ATAD2: variants seen among roughly 807,000 people sequenced by gnomAD.
ATAD2 encodes ATPase family AAA domain containing 2.
In ATAD2, 62 loss-of-function variants were observed where a neutral mutation model predicts 168.9. The observed-to-expected ratio is 0.37, with a 90% CI of 0.30 to 0.45. The LOEUF is 0.45. Among genes scored for constraint, ATAD2 ranks in the 20% least tolerant of loss-of-function variants. ATAD2 has a pLI of 1.00. For missense variants in ATAD2, 1,419 were observed against 1,667.8 expected (o/e 0.85, Z 2.60); for synonymous variants, 613 against 571.6 (o/e 1.07, Z -1.03).
chr8:123,393,341 T>C lies in ATAD2; in HGVS notation c.171+2846A>G, dbSNP rs866031614. Among the ~76,000 whole-genome samples, 66 of 152,062 alleles carry C rather than the reference T, an allele frequency of 4.3e-4. 1 individual carries two copies. The highest frequency in any genetic ancestry group is 1.6e-3 in the African/African-American group (65 of 41,478). On this transcript the variant is annotated intron_variant, in intron 1 of 27. Transcript: ENST00000287394. ...GCCTGAGCAACATAGTGAGACTCCATTGCTACAAAAAACTTAAAAATGAGC... is the reference window on the plus strand; with the variant it reads ...GCCTGAGCAACATAGTGAGACTCCACTGCTACAAAAAACTTAAAAATGAGC...
In ATAD2 at chr8:123,337,830, GA is replaced by G; in HGVS notation, c.2855-10del. The G allele has an allele frequency of 2.5e-6, 4 of 1,575,504 alleles. No individual in the cohort carries two copies. Among genetic ancestry groups the G allele is most frequent in the Non-Finnish European group, 3.4e-6 (4 of 1,165,328 alleles). ...CTCCAAAGCCTGCAAAACTTCACAT[GA>G]ATGGAAGAATTTAGTTACTGCTCCT... On this transcript the variant is annotated splice_polypyrimidine_tract_variant and intron_variant, in intron 20 of 27. Coordinates refer to ENST00000287394, the MANE Select transcript of ATAD2 (RefSeq NM_014109.4).
intron 13 of ATAD2, among the ~76,000 whole-genome samples, chr8:123,355,283 A>T (rs1366443281): frequency 6.6e-6 from 1 of 152,244 alleles, no homozygotes; most frequent in Non-Finnish European, 1.5e-5. Flanking sequence ...TATCTTATTC[A>T]TCTACATTAT....
chr8:123,371,472 G>C (rs1318133115), intron 4 of ATAD2, 134 bp from the exon 5 acceptor site: 1 of 846,048 alleles, frequency 1.2e-6, no homozygotes, highest in East Asian at 2.8e-5. Context: ...TGATTTACTT[G>C]TATAAAAATA....
rs1828374371 is a variant in ATAD2 at position 123,349,415 on chromosome 8, A to G, written c.1676T>C (p.Met559Thr). The G allele has an allele frequency of 6.2e-7, 1 of 1,614,048 alleles. No individual in the cohort carries two copies. The highest frequency in any genetic ancestry group is 8.5e-7 in the Non-Finnish European group (1 of 1,179,952). ...TTCCCCTCTGCTGTCCAATCCATCC[A>G]TAAGAGCTAGCAGGGTGGAAACAAT... ...SSIVSTLLALMDGLDSRGEIV... is the reference protein window; with the variant it reads ...SSIVSTLLALTDGLDSRGEIV... The change falls in exon 14 of 28, where the codon ATG becomes ACG. Residue 559 changes from methionine (M) to threonine (T), a missense_variant. By Grantham distance (81) the Met-to-Thr change is moderately conservative. Transcript: ENST00000287394.
intron 1 of ATAD2, among the ~76,000 whole-genome samples, chr8:123,411,839 A>G (rs757274580): frequency 7.2e-5 from 11 of 152,222 alleles, no homozygotes; most frequent in Non-Finnish European, 1.6e-4. Context: ...AGAAAAAAAA[A>G]AGCACAATAT....
At chr8:123,389,647 A>G (rs889711912) in intron 1 of ATAD2, among the ~76,000 whole-genome samples, 1 of 150,722 alleles carries the variant, frequency 6.6e-6, no homozygotes, top group African/African-American at 2.4e-5. Flanking sequence ...CTCAAAAACA[A>G]AACAAAACAA....
intron 2 of ATAD2, among the ~76,000 whole-genome samples, chr8:123,379,472 T>C (rs1284500163): frequency 1.3e-5 from 2 of 152,174 alleles, no homozygotes. Flanking sequence ...ACCTGAGAAC[T>C]GATCCTACGT....
At chr8:123,393,710 A>T (rs1812702378) in intron 1 of ATAD2, among the ~76,000 whole-genome samples, 1 of 152,050 alleles carries the variant, frequency 6.6e-6, no homozygotes, top group Non-Finnish European at 1.5e-5. Flanking sequence ...TGAGACCGGG[A>T]GTTTGAGATC....
chr8:123,330,369 C>T (rs1236552852), intron 24 of ATAD2, among the ~76,000 whole-genome samples: 2 of 148,110 alleles, frequency 1.4e-5, no homozygotes. Context: ...CTCTTGTTAT[C>T]TTGATTTTTT....
intron 24 of ATAD2, among the ~76,000 whole-genome samples, chr8:123,329,110 T>C (rs1193024987): frequency 6.6e-6 from 1 of 152,116 alleles, no homozygotes; most frequent in African/African-American, 2.4e-5. Context: ...CTATCTTGAA[T>C]ACTTTTAATC....
At chr8:123,383,751 CAAT>C (rs1279922473) in intron 1 of ATAD2, among the ~76,000 whole-genome samples, 1 of 142,064 alleles carries the variant, frequency 7.0e-6, no homozygotes, top group African/African-American at 2.6e-5. Context: ...CCAGCCTGGG[CAAT>C]AAGAGCAAAA....
chr8:123,399,780 G>A (rs527854379), upstream of ATAD2, among the ~76,000 whole-genome samples: 6 of 151,498 alleles, frequency 4.0e-5, no homozygotes, highest in Admixed American at 4.0e-4. Context: ...CTTGAACCTG[G>A]GAGGCAGAGG....
At chr8:123,391,485 G>GA (rs10563871) in intron 1 of ATAD2, among the ~76,000 whole-genome samples, 385 of 33,886 alleles carry the variant, frequency 0.011, 79 homozygotes, top group African/African-American at 0.036. Context: ...GAGAAGTTTT[G>GA]AAAAAAAAAA....
In ATAD2 at chr8:123,344,946, A is replaced by C; in HGVS notation, c.2656T>G (p.Ser886Ala). ...GCAAGTAGTAAAACTGGAGCAAATG[A>C]AGGAATATTCTGTAATAATGTGGTA... Reference protein sequence around the residue: ...TFTTLLQNIPSFAPVLLLATS... With the variant: ...TFTTLLQNIPAFAPVLLLATS... The change falls in exon 19 of 28, where the codon TCA becomes GCA. Residue 886 changes from serine to alanine, a missense_variant. Ser to Ala is a moderately conservative substitution (Grantham distance 99). Coordinates refer to ENST00000287394, the MANE Select transcript of ATAD2 (RefSeq NM_014109.4). 1 of 1,614,160 alleles carries C rather than the reference A, an allele frequency of 6.2e-7. No individual in the cohort carries two copies. The highest frequency in any genetic ancestry group is 8.5e-7 in the Non-Finnish European group (1 of 1,180,004).
intron 1 of ATAD2, among the ~76,000 whole-genome samples, chr8:123,389,986 T>TATATATATATATATATATA (rs58743148): frequency 2.6e-3 from 176 of 67,524 alleles, no homozygotes; most frequent in Non-Finnish European, 3.5e-3. Context: ...ATATATATAT[T>TATATATATATATATATATA]TTTTTTTTTT....
Position 123,328,359 on chromosome 8 carries a change from A to G in ATAD2, c.3699T>C (p.Ser1233=), listed in dbSNP as rs1827670080. Residue 1233 remains serine (S), a synonymous_variant, in exon 25 of 28, where the codon TCT becomes TCC. Coordinates refer to ENST00000287394, the MANE Select transcript of ATAD2 (RefSeq NM_014109.4). ...VEENEKQQNA[S]ESKLELRNNS... ...TATTTCTCAATTCCAGTTTGCTTTC[A>G]GAGGCATTTTGCTGTTTTTCATTTT... is the stretch of plus-strand genomic sequence containing the variant. 6.2e-7 allele frequency: 1 copy of G among 1,605,592 alleles called. No individual in the cohort carries two copies. Among genetic ancestry groups the G allele is most frequent in the Admixed American group, 1.7e-5 (1 of 58,234 alleles).
Position 123,322,930 on chromosome 8 carries a change from G to C in ATAD2, c.4131+8C>G. ...GCATTTGTAAAAAGTTTCCACTCAA[G>C]AGTTTACCTGAATAAGTGATGTTTT... is the stretch of plus-strand genomic sequence containing the variant. On this transcript the variant is annotated splice_region_variant and intron_variant, in intron 27 of 27. Transcript: ENST00000287394. 1 of 1,611,254 alleles carries C rather than the reference G, an allele frequency of 6.2e-7. No homozygotes were observed. The highest frequency in any genetic ancestry group is 8.5e-7 in the Non-Finnish European group (1 of 1,178,806).
intron 22 of ATAD2, among the ~76,000 whole-genome samples, chr8:123,335,492 A>G (rs191248694): frequency 6.8e-4 from 103 of 152,342 alleles, no homozygotes; most frequent in African/African-American, 2.3e-3. Flanking sequence ...AATGTACTGG[A>G]GGAGAAATGA....
chr8:123,381,427 G>A (rs1023625773), intron 1 of ATAD2, among the ~76,000 whole-genome samples: 1 of 152,148 alleles, frequency 6.6e-6, no homozygotes, highest in South Asian at 2.1e-4. Context: ...TTTGAGCCTG[G>A]GAGGTGGAGG....
Sources: gnomAD v4.1 joint callset for allele counts (sites outside exome capture counted in the v4.1 genomes callset) on GRCh38, gnomAD v4.1.1 for gene constraint, MANE v1.5 for transcripts, NCBI Gene and HGNC (gene_info 2026-07-23, HGNC 2026-07-21) for gene names.